Variants in RYR2 observed in about 807,000 individuals in gnomAD.
The protein encoded by RYR2 is cardiac muscle ryanodine receptor-calcium release channel.
A neutral mutation model predicts 601.1 loss-of-function variants in RYR2; 227 were observed. That is an observed-to-expected ratio of 0.38 (90% CI 0.34 to 0.42). The LOEUF (loss-of-function observed/expected upper bound fraction) is 0.42, where lower values mean the gene tolerates loss of function less well. Among genes scored for constraint, RYR2 ranks in the 10% least tolerant of loss-of-function variants. RYR2 has a pLI of 1.00. For synonymous variants in RYR2, 2,223 were observed against 2,175.1 expected, an observed-to-expected ratio of 1.02 and a Z score of -0.61; for missense variants, 4,646 against 6,156.5, an observed-to-expected ratio of 0.75 and a Z score of 8.21.
chr1:237,195,828 A>G (rs1304335811), intron 1 of RYR2, among the ~76,000 whole-genome samples: 2 of 152,222 alleles, frequency 1.3e-5, no homozygotes, highest in African/African-American at 4.8e-5. Flanking sequence ...ATATATGTAT[A>G]GGGCTTAAGA....
chr1:237,528,331 AT>A lies in RYR2; in HGVS notation c.2823-2095del, dbSNP rs1239446410. Among the ~76,000 whole-genome samples, 3 of 152,222 alleles carry A rather than the reference AT, an allele frequency of 2.0e-5. No individual in the cohort carries two copies. In the East Asian group the frequency reaches 5.8e-4, roughly 29 times the overall value. On this transcript the variant is annotated intron_variant, in intron 24 of 104. Coordinates refer to ENST00000366574, the MANE Select transcript of RYR2 (RefSeq NM_001035.3). ...TAATCCCTTACTGTGTCTAATTCAT[AT>A]GTTAAATTTTAGTATGTATCATAGT...
chr1:237,675,221 A>T (rs1685291458), intron 60 of RYR2, among the ~76,000 whole-genome samples: 1 of 152,166 alleles, frequency 6.6e-6, no homozygotes, highest in South Asian at 2.1e-4. Context: ...AAAATTTCTA[A>T]ACACTATAGA....
intron 1 of RYR2, among the ~76,000 whole-genome samples, chr1:237,123,040 A>G (rs1165410545): frequency 6.6e-6 from 1 of 152,222 alleles, no homozygotes; most frequent in Non-Finnish European, 1.5e-5. Context: ...TGCAACTGCT[A>G]AACACTGTCT....
At chr1:237,174,673 C>T (rs1558368594) in intron 1 of RYR2, among the ~76,000 whole-genome samples, 1 of 152,266 alleles carries the variant, frequency 6.6e-6, no homozygotes, top group South Asian at 2.1e-4. Context: ...AATATCCCGA[C>T]TGCTTTTTCA....
chr1:237,047,000 G>A (rs1035568761), intron 1 of RYR2, among the ~76,000 whole-genome samples: 21 of 152,298 alleles, frequency 1.4e-4, no homozygotes, highest in African/African-American at 4.6e-4. Context: ...AAACATTAGG[G>A]TAGGAAGAGG....
At chr1:237,823,263 T>C (rs1327605203) in intron 101 of RYR2, among the ~76,000 whole-genome samples, 1 of 152,152 alleles carries the variant, frequency 6.6e-6, no homozygotes, top group African/African-American at 2.4e-5. Context: ...TATTCTAAAA[T>C]TGACCACATA....
chr1:237,242,887 G>T (rs1686361278), intron 1 of RYR2, among the ~76,000 whole-genome samples: 2 of 152,130 alleles, frequency 1.3e-5, no homozygotes, highest in African/African-American at 4.8e-5. Context: ...ACTGACGTAA[G>T]CCAAAGTAAA....
At position 237,784,487 on chromosome 1, in the gene RYR2, C is replaced by T; in HGVS notation, c.12775C>T (p.Leu4259Phe). ...RYNILTLMRM[L>F]SLKSLKKQMK... ...CAATATCTTGACCCTTATGCGAATG[C>T]TCAGTCTGAAGAGCCTGAAGAAGCA... is the stretch of plus-strand genomic sequence containing the variant. Residue 4259 changes from leucine to phenylalanine, a missense_variant, in exon 90 of 105, where the codon CTC (leucine) becomes TTC (phenylalanine). Around this residue, in one of 17 missense-constraint regions of RYR2, gnomAD observed 364 missense variants for 442.9 expected, o/e 0.82. Transcript: ENST00000366574. This position sits in a 1 kb window ranked among gnomAD's most constrained non-coding sequence, Gnocchi z 7.1. The T allele has an allele frequency of 6.2e-7, 1 of 1,613,458 alleles. No individual in the cohort carries two copies. Among genetic ancestry groups the T allele is most frequent in the South Asian group, 1.1e-5 (1 of 91,040 alleles).
At chr1:237,373,977 T>A (rs530945244) in intron 6 of RYR2, among the ~76,000 whole-genome samples, 2 of 152,246 alleles carry the variant, frequency 1.3e-5, no homozygotes, top group Admixed American at 1.3e-4. Flanking sequence ...AAGTGAGAGA[T>A]GTACAAATAC....
chr1:237,057,627 G>A (rs535809273), intron 1 of RYR2, among the ~76,000 whole-genome samples: 1 of 152,314 alleles, frequency 6.6e-6, no homozygotes, highest in African/African-American at 2.4e-5. Context: ...CCCATGTGCT[G>A]AAGAGGAAGA....
chr1:237,382,666 G>A (rs1174359563), intron 8 of RYR2, among the ~76,000 whole-genome samples: 1 of 151,492 alleles, frequency 6.6e-6, no homozygotes, highest in East Asian at 1.9e-4. Flanking sequence ...TGAGAATGAT[G>A]GTTTTAAATT....
intron 1 of RYR2, among the ~76,000 whole-genome samples, chr1:237,152,743 G>A (rs1051740475): frequency 1.3e-5 from 2 of 152,090 alleles, no homozygotes; most frequent in Non-Finnish European, 2.9e-5. Context: ...GGACATAGGC[G>A]TGGACAAAGA....
chr1:237,776,276 A>G (rs1159310805), intron 87 of RYR2, among the ~76,000 whole-genome samples: 4 of 152,148 alleles, frequency 2.6e-5, no homozygotes, highest in Non-Finnish European at 5.9e-5. Context: ...GACTAATTAT[A>G]ACCAGGGATG....
chr1:237,088,003 G>T (rs1666540704), intron 1 of RYR2, among the ~76,000 whole-genome samples: 2 of 152,186 alleles, frequency 1.3e-5, no homozygotes, highest in Non-Finnish European at 2.9e-5. Context: ...TGAGAACTAT[G>T]TCCTGTACCT....
chr1:237,600,974 C>T (rs1676440542), intron 34 of RYR2, among the ~76,000 whole-genome samples: 1 of 151,964 alleles, frequency 6.6e-6, no homozygotes, highest in Non-Finnish European at 1.5e-5. Context: ...AGAGGGAAAC[C>T]CATACACTGT....
chr1:237,475,616 T>A (rs994605408), intron 17 of RYR2, among the ~76,000 whole-genome samples: 19 of 152,196 alleles, frequency 1.2e-4, no homozygotes, highest in Admixed American at 3.9e-4. Context: ...GGGAGTTTTT[T>A]AAAATTTATT....
intron 100 of RYR2, among the ~76,000 whole-genome samples, chr1:237,811,123 T>G (rs181091427): frequency 4.6e-4 from 70 of 152,286 alleles, no homozygotes; most frequent in African/African-American, 1.6e-3. Flanking sequence ...AAGACAGTTT[T>G]TTCCCCACCA....
chr1:237,718,036 C>T (rs926838715), intron 72 of RYR2, among the ~76,000 whole-genome samples: 6 of 152,160 alleles, frequency 3.9e-5, no homozygotes, highest in African/African-American at 7.2e-5. Context: ...GGCTGCATCA[C>T]GCAGCTCTAC....
At chr1:237,309,584 C>T (rs556433061) in intron 2 of RYR2, among the ~76,000 whole-genome samples, 1 of 152,260 alleles carries the variant, frequency 6.6e-6, no homozygotes, top group Non-Finnish European at 1.5e-5. Context: ...GGATCCCACA[C>T]AAGGGCCGCA....
Sources: gnomAD v4.1 joint callset for allele counts (sites outside exome capture counted in the v4.1 genomes callset) on GRCh38, gnomAD v4.1.1 for gene constraint, gnomAD v4.1.1 regional missense constraint, Gnocchi (gnomAD v3.1) non-coding constraint, MANE v1.5 for transcripts, NCBI Gene and HGNC (gene_info 2026-07-23, HGNC 2026-07-21) for gene names.